Variants in TRABD2B observed in about 807,000 individuals in gnomAD.
TRABD2B encodes the protein TraB domain containing 2B, also known as metalloprotease TIKI2.
In TRABD2B, 14 loss-of-function variants were observed where a neutral mutation model predicts 40.1. The observed-to-expected ratio is 0.35, with a 90% CI of 0.23 to 0.55. The LOEUF (loss-of-function observed/expected upper bound fraction) is 0.55, where lower values mean the gene tolerates loss of function less well. Ranked by LOEUF, TRABD2B falls within the 20% of genes least tolerant of loss-of-function variation. The pLI is 0.90. For missense variants in TRABD2B, 541 were observed against 648.6 expected (o/e 0.83, Z 1.80); for synonymous variants, 263 against 277.0 (o/e 0.95, Z 0.50).
At chr1:47,958,977 G>C (rs1645467673) in intron 2 of TRABD2B, among the ~76,000 whole-genome samples, 1 of 152,144 alleles carries the variant, frequency 6.6e-6, no homozygotes, top group Non-Finnish European at 1.5e-5. Flanking sequence ...GCACTCCTCA[G>C]CAAATGTAAA....
At chr1:47,782,224 T>G (rs1441491929) in intron 4 of TRABD2B, among the ~76,000 whole-genome samples, 1 of 152,224 alleles carries the variant, frequency 6.6e-6, no homozygotes, top group East Asian at 1.9e-4. Context: ...GCTCTGCTAT[T>G]CAACCTAAAT....
At chr1:47,934,173 TAGAG>T (rs955216481) in intron 2 of TRABD2B, among the ~76,000 whole-genome samples, 2 of 152,226 alleles carry the variant, frequency 1.3e-5, no homozygotes, top group Non-Finnish European at 2.9e-5. Flanking sequence ...AGTTGAACCT[TAGAG>T]AGAGAGTCAG....
intron 2 of TRABD2B, among the ~76,000 whole-genome samples, chr1:47,809,321 C>T (rs909670473): frequency 2.0e-5 from 3 of 152,286 alleles, no homozygotes; most frequent in African/African-American, 7.2e-5. Context: ...GACTATGTTC[C>T]CAGAGTGCAG....
chr1:47,948,664 G>A (rs1036839041), intron 2 of TRABD2B, among the ~76,000 whole-genome samples: 1 of 152,080 alleles, frequency 6.6e-6, no homozygotes, highest in African/African-American at 2.4e-5. Context: ...TTGGTTTATT[G>A]AGAAGAATAC....
At chr1:47,825,447 C>G (rs1187187963) in intron 2 of TRABD2B, among the ~76,000 whole-genome samples, 1 of 152,208 alleles carries the variant, frequency 6.6e-6, no homozygotes, top group African/African-American at 2.4e-5. Context: ...TCCCAAGACC[C>G]CATTCTCTTT....
intron 4 of TRABD2B, among the ~76,000 whole-genome samples, chr1:47,787,092 C>T (rs1569932871): frequency 2.0e-5 from 3 of 152,210 alleles, no homozygotes; most frequent in Non-Finnish European, 2.9e-5. Context: ...GGCTGCCATT[C>T]TGACGCCACC....
chr1:47,897,328 C>A (rs970465114), intron 2 of TRABD2B, among the ~76,000 whole-genome samples: 1 of 152,074 alleles, frequency 6.6e-6, no homozygotes, highest in African/African-American at 2.4e-5. Flanking sequence ...GAGCTGGGGG[C>A]AGCTGATCAT....
In TRABD2B at chr1:47,766,055, C is replaced by T. The variant is rs775302618; in HGVS notation, c.1401G>A (p.Gly467=). The change falls in exon 7 of 7, where the codon GGG becomes GGA. Residue 467 remains glycine (G), a synonymous_variant. Coordinates refer to ENST00000606738, the MANE Select transcript of TRABD2B (RefSeq NM_001194986.2). ...AAAGCTGGAAGGGGGGCTTGGCGGTCCCCGAGCTGTGGGTGGGCTGCAGGG... is the reference window on the plus strand; with the variant it reads ...AAAGCTGGAAGGGGGGCTTGGCGGTTCCCGAGCTGTGGGTGGGCTGCAGGG... The part of the protein sequence containing the change: ...PLPLQPTHSS[G]TAKPPFQLSD... 8 of 696,954 alleles carry T rather than the reference C, an allele frequency of 1.1e-5. No homozygotes were observed. The highest frequency in any genetic ancestry group is 1.1e-4 in the South Asian group (7 of 66,194). 43.2% of individuals were successfully genotyped at this position (696,954 alleles called of 1,614,324 possible). A position where few individuals can be genotyped will look rare whatever the true frequency, so the allele number is the denominator to read the frequency against.
intron 2 of TRABD2B, among the ~76,000 whole-genome samples, chr1:47,934,077 G>A (rs1297558101): frequency 6.6e-6 from 1 of 152,222 alleles, no homozygotes; most frequent in African/African-American, 2.4e-5. Context: ...CTTAGTATGT[G>A]CTAGGCTTTT....
chr1:47,786,197 G>A (rs748061764), intron 4 of TRABD2B, among the ~76,000 whole-genome samples: 12 of 152,366 alleles, frequency 7.9e-5, no homozygotes, highest in Non-Finnish European at 1.6e-4. Context: ...TGCCCAAGGC[G>A]ACTTCTGATC....
chr1:47,874,208 G>C (rs1052572863), intron 2 of TRABD2B, among the ~76,000 whole-genome samples: 1 of 144,398 alleles, frequency 6.9e-6, no homozygotes, highest in African/African-American at 2.6e-5. Context: ...ATTCAATTCT[G>C]TTCCCTAACT....
At chr1:47,991,252 T>C (rs922476965) in intron 2 of TRABD2B, among the ~76,000 whole-genome samples, 2 of 152,142 alleles carry the variant, frequency 1.3e-5, no homozygotes, top group African/African-American at 4.8e-5. Flanking sequence ...AGGGTTGTTA[T>C]GAGAATTCAA....
chr1:47,926,136 G>C (rs1370572559), intron 2 of TRABD2B, among the ~76,000 whole-genome samples: 1 of 152,066 alleles, frequency 6.6e-6, no homozygotes, highest in Non-Finnish European at 1.5e-5. Context: ...CTTATAATTC[G>C]TTTTTGATAT....
At chr1:47,869,160 G>T (rs1644104795) in intron 2 of TRABD2B, among the ~76,000 whole-genome samples, 1 of 152,000 alleles carries the variant, frequency 6.6e-6, no homozygotes, top group Non-Finnish European at 1.5e-5. Context: ...CCCACCTTGA[G>T]GGTAGGAACT....
At chr1:47,833,576 T>C (rs972087804) in intron 2 of TRABD2B, among the ~76,000 whole-genome samples, 1 of 152,244 alleles carries the variant, frequency 6.6e-6, no homozygotes, top group African/African-American at 2.4e-5. Flanking sequence ...TGGAGTAATC[T>C]GGAGTCTCAC....
rs145458184 is a variant in TRABD2B at position 47,919,422 on chromosome 1, G to C, written c.666+74612C>G. Among the ~76,000 whole-genome samples the C allele has an allele frequency of 9.3e-4, 142 of 152,328 alleles. 1 individual carries two copies. In the Middle Eastern group the frequency reaches 0.014, roughly 15 times the overall value. ...CAAAGTCTATCTTAAAAGCTGCCTG[G>C]AGCTGTAGTACTATCCCTGTTGGGG... is the stretch of plus-strand genomic sequence containing the variant. On this transcript the variant is annotated intron_variant, in intron 2 of 6. Coordinates refer to ENST00000606738, the MANE Select transcript of TRABD2B (RefSeq NM_001194986.2).
chr1:47,942,392 G>A (rs1172309056), intron 2 of TRABD2B, among the ~76,000 whole-genome samples: 1 of 152,146 alleles, frequency 6.6e-6, no homozygotes, highest in Non-Finnish European at 1.5e-5. Flanking sequence ...GACGATCAGG[G>A]GAGGCAGTGG....
chr1:47,878,185 G>T (rs1357974269), intron 2 of TRABD2B, among the ~76,000 whole-genome samples: 1 of 151,958 alleles, frequency 6.6e-6, no homozygotes, highest in African/African-American at 2.4e-5. Context: ...GTGTGGTGGC[G>T]AGCACCTGTA....
intron 2 of TRABD2B, among the ~76,000 whole-genome samples, chr1:47,965,415 GC>G (rs992291756): frequency 6.6e-6 from 1 of 151,874 alleles, no homozygotes; most frequent in Non-Finnish European, 1.5e-5. Context: ...CTCCTTGGGG[GC>G]CAGGAAGTCT....
Sources: allele counts gnomAD v4.1 joint callset (sites outside exome capture counted in the v4.1 genomes callset), GRCh38; gene constraint gnomAD v4.1.1; transcripts MANE v1.5; gene names NCBI Gene and HGNC (gene_info 2026-07-23, HGNC 2026-07-21).